NAA38: variants seen among roughly 807,000 people sequenced by gnomAD.
The protein encoded by NAA38 is N-alpha-acetyltransferase 38, NatC auxiliary subunit.
In NAA38, 15 loss-of-function variants were observed where a neutral mutation model predicts 12.6. The observed-to-expected ratio is 1.19, with a 90% CI of 0.79 to 1.83. The LOEUF is 1.83. Ranked by LOEUF, NAA38 falls within the 40% of genes most tolerant of loss-of-function variation. The pLI, the probability that NAA38 is intolerant of heterozygous loss-of-function variation, is 0.00. For missense variants in NAA38, 183 were observed against 171.7 expected (o/e 1.07, Z -0.37); for synonymous variants, 88 against 69.9 (o/e 1.26, Z -1.29).
chr17:7,859,893 C>A, upstream of NAA38: 1 of 435,900 alleles, frequency 2.3e-6, no homozygotes, highest in Non-Finnish European at 4.2e-6. Flanking sequence ...TCAGGCAGAA[C>A]TGTTTGATAG....
At chr17:7,859,075 G>C (rs1400569815), upstream of NAA38, 2 of 569,996 alleles carry the variant, frequency 3.5e-6, no homozygotes, top group Admixed American at 3.3e-5. Context: ...TAGTGATGGT[G>C]GTCCTTCGAA....
At position 7,857,126 on chromosome 17, in the gene NAA38, T is replaced by G. The variant is rs1489600328; in HGVS notation, c.154A>C (p.Thr52Pro). The change falls in exon 2 of 3, where the codon ACT becomes CCT. Residue 52 changes from threonine (T) to proline (P), a missense_variant. Transcript: ENST00000575771. The part of the protein sequence containing the change: ...RQQLEALLNK[T>P]MRIRMTDGRT... ...CCATCTGTCATGCGAATGCGCATAGTCTTGTTGAGCAGCGCCTCTAGCTGC... is the reference window on the plus strand; with the variant it reads ...CCATCTGTCATGCGAATGCGCATAGGCTTGTTGAGCAGCGCCTCTAGCTGC... 6.2e-7 allele frequency: 1 copy of G among 1,613,362 alleles called. No homozygotes were observed. Among genetic ancestry groups the G allele is most frequent in the East Asian group, 2.2e-5 (1 of 44,840 alleles).
intron 2 of NAA38, 34 bp from the exon 3 acceptor site, chr17:7,856,877 G>A (rs1313918083): frequency 1.9e-6 from 3 of 1,608,124 alleles, no homozygotes; most frequent in East Asian, 2.2e-5. Context: ...AGGAAAGTAG[G>A]CCAGAATCAG....
chr17:7,883,882 C>A (rs1967380335), intron 1 of NAA38, among the ~76,000 whole-genome samples: 1 of 150,520 alleles, frequency 6.6e-6, no homozygotes. Flanking sequence ...GAGGAAGAGA[C>A]TAGTAAAGAA....
In NAA38 at chr17:7,857,452, A is replaced by G. The variant is rs1457885372; in HGVS notation, c.12T>C (p.Ala4=). The G allele has an allele frequency of 1.9e-6, 3 of 1,541,746 alleles. No homozygotes were observed. The highest frequency in any genetic ancestry group is 2.3e-5 in the East Asian group (1 of 43,730). MAG[A]GPTMLLREEN... is the part of the protein sequence containing the mutation. ...CTTCTCGTAGCAGCATGGTCGGTCC[A>G]GCTCCGGCCATTTGCCCGGAGGCCT... Residue 4 remains alanine (A), a synonymous_variant, in exon 1 of 3, where the codon GCT becomes GCC. Transcript: ENST00000575771.
intron 2 of NAA38, among the ~76,000 whole-genome samples, chr17:7,881,939 A>ACAGG (rs146808712): frequency 0.092 from 13,952 of 151,350 alleles, 964 homozygotes; most frequent in East Asian, 0.37. Flanking sequence ...GGAGGAGCAG[A>ACAGG]CAGGCAGGCA....
At chr17:7,858,915 C>T (rs904239364), upstream of NAA38, 23 of 1,192,062 alleles carry the variant, frequency 1.9e-5, 1 homozygote, top group Admixed American at 6.5e-4. Flanking sequence ...TTTTCCATAA[C>T]CGGTGGGAGT....
chr17:7,879,405 A>G (rs1474141047), intron 2 of NAA38, among the ~76,000 whole-genome samples: 1 of 152,104 alleles, frequency 6.6e-6, no homozygotes, highest in Non-Finnish European at 1.5e-5. Context: ...ACTTCAGGGT[A>G]TTCGTAACAC....
intron 1 of NAA38, chr17:7,884,668 C>A: frequency 2.7e-6 from 1 of 371,532 alleles, no homozygotes; most frequent in East Asian, 3.9e-5. Context: ...CTGGGGGAGG[C>A]GGTGAGGAGG....
At chr17:7,858,863 G>A (rs773725195), upstream of NAA38, 1 of 1,483,094 alleles carries the variant, frequency 6.7e-7, no homozygotes, top group South Asian at 1.4e-5. Flanking sequence ...GAAGGAATGG[G>A]GAATCCCAGC....
chr17:7,857,576 T>TC (rs1418399760), upstream of NAA38: 4 of 1,395,204 alleles, frequency 2.9e-6, no homozygotes, highest in Non-Finnish European at 2.8e-6. Context: ...TCCCCTCTCC[T>TC]CCCCCTCCTA....
upstream of NAA38, chr17:7,859,906 A>G (rs545250303): frequency 5.0e-6 from 2 of 396,960 alleles, no homozygotes; most frequent in Non-Finnish European, 9.3e-6. Flanking sequence ...TTTGATAGTT[A>G]AGAGAGAGTA....
upstream of NAA38, chr17:7,858,269 A>C: frequency 6.2e-7 from 1 of 1,614,024 alleles, no homozygotes. Context: ...TGTACGACCT[A>C]ACGTCATTGG....
intron 2 of NAA38, chr17:7,866,606 CCT>C: frequency 1.0e-6 from 1 of 965,224 alleles, no homozygotes. Flanking sequence ...ACATGCTGTT[CCT>C]CTGTGTGGAA....
intron 2 of NAA38, among the ~76,000 whole-genome samples, chr17:7,880,309 G>C (rs1967249937): frequency 6.6e-6 from 1 of 151,762 alleles, no homozygotes. Context: ...GAGGGAAAGA[G>C]GGAAAGAGTG....
In NAA38 at chr17:7,856,834, GAGA is replaced by G; in HGVS notation, c.272_274del (p.Phe91del). ...GCCCAGCACACGGGGCTCCCCGGCA[GAGA>G]AGGAATCTGGAAAGAAGGATCAGAG... On this transcript the variant is annotated inframe_deletion, in exon 3 of 3. Coordinates refer to ENST00000575771, the MANE Select transcript of NAA38 (RefSeq NM_001320925.4). 1 of 1,613,818 alleles carries G rather than the reference GAGA, an allele frequency of 6.2e-7. No homozygotes were observed. Among genetic ancestry groups the G allele is most frequent in the Non-Finnish European group, 8.5e-7 (1 of 1,179,992 alleles).
At chr17:7,859,255 C>G, upstream of NAA38, 1 of 718,172 alleles carries the variant, frequency 1.4e-6, no homozygotes, top group Non-Finnish European at 2.3e-6. Context: ...GGAGTTTCAG[C>G]TTTTTTTTCC....
At chr17:7,881,657 C>G (rs913186439) in intron 2 of NAA38, among the ~76,000 whole-genome samples, 2 of 150,654 alleles carry the variant, frequency 1.3e-5, no homozygotes, top group Non-Finnish European at 3.0e-5. Flanking sequence ...ACAGGGTAGA[C>G]AGGCAAGAGA....
At chr17:7,869,277 T>A (rs745358032) in intron 2 of NAA38, among the ~76,000 whole-genome samples, 1 of 152,188 alleles carries the variant, frequency 6.6e-6, no homozygotes, top group Non-Finnish European at 1.5e-5. Flanking sequence ...CCCAGGGTCA[T>A]AGTTATTAAG....
Sources: allele counts gnomAD v4.1 joint callset (sites outside exome capture counted in the v4.1 genomes callset), GRCh38; gene constraint gnomAD v4.1.1; transcripts MANE v1.5; gene names NCBI Gene and HGNC (gene_info 2026-07-23, HGNC 2026-07-21).